Variants in PRKG1 observed in about 807,000 individuals in gnomAD.
The protein encoded by PRKG1 is cGMP-dependent protein kinase 1.
Under a neutral mutation model 88.1 loss-of-function variants are expected in PRKG1, and 35 were observed. The ratio of observed to expected loss-of-function variants is 0.40; its 90% CI spans 0.30 to 0.53. PRKG1 has a LOEUF of 0.53. Ranked by LOEUF, PRKG1 falls within the 20% of genes least tolerant of loss-of-function variation. The pLI is 0.59. For missense variants in PRKG1, 540 were observed against 839.8 expected (o/e 0.64, Z 4.41); for synonymous variants, 303 against 292.5 (o/e 1.04, Z -0.37).
At chr10:52,106,765 A>G (rs1436853203) in intron 7 of PRKG1, among the ~76,000 whole-genome samples, 1 of 149,964 alleles carries the variant, frequency 6.7e-6, no homozygotes, top group African/African-American at 2.4e-5. Flanking sequence ...ATAAATAAAA[A>G]TGTTGAGTTC....
chr10:51,648,091 C>A (rs1432048716), intron 3 of PRKG1, among the ~76,000 whole-genome samples: 1 of 151,836 alleles, frequency 6.6e-6, no homozygotes, highest in Non-Finnish European at 1.5e-5. Flanking sequence ...AAATCTACCA[C>A]AATGATTTTT....
intron 5 of PRKG1, among the ~76,000 whole-genome samples, chr10:51,947,638 A>C (rs1843081105): frequency 2.0e-5 from 3 of 152,116 alleles, no homozygotes; most frequent in Non-Finnish European, 2.9e-5. Context: ...TAAATTCATA[A>C]AGTGTGAAGG....
chr10:51,885,665 G>T (rs1841549053), intron 4 of PRKG1, among the ~76,000 whole-genome samples: 1 of 152,036 alleles, frequency 6.6e-6, no homozygotes, highest in African/African-American at 2.4e-5. Context: ...TCACACCTCC[G>T]TGTCTTTATT....
At chr10:51,673,286 G>T (rs1213491452) in intron 3 of PRKG1, among the ~76,000 whole-genome samples, 1 of 152,104 alleles carries the variant, frequency 6.6e-6, no homozygotes, top group Non-Finnish European at 1.5e-5. Flanking sequence ...AGAAAATAAA[G>T]AATAATTATA....
intron 17 of PRKG1, among the ~76,000 whole-genome samples, chr10:52,292,069 G>A (rs929295588): frequency 3.6e-4 from 55 of 152,308 alleles, no homozygotes; most frequent in Non-Finnish European, 3.1e-4. Flanking sequence ...CTTTTGAGAA[G>A]TGTCGGTTCA....
chr10:51,723,066 T>C (rs1316040569), intron 3 of PRKG1, among the ~76,000 whole-genome samples: 1 of 152,208 alleles, frequency 6.6e-6, no homozygotes. Context: ...TTGAGAAAAT[T>C]ATGTTAACCT....
At chr10:51,427,001 G>A (rs1171120402) in intron 2 of PRKG1, among the ~76,000 whole-genome samples, 1 of 152,152 alleles carries the variant, frequency 6.6e-6, no homozygotes, top group African/African-American at 2.4e-5. Flanking sequence ...GTTGGTGATT[G>A]TTTTTAAAGC....
At chr10:51,219,879 G>T (rs1235895021) in intron 2 of PRKG1, among the ~76,000 whole-genome samples, 2 of 152,050 alleles carry the variant, frequency 1.3e-5, no homozygotes, top group African/African-American at 2.4e-5. Context: ...AGAATTTCTA[G>T]GAATGACCCC....
chr10:51,614,786 CAAAGCTG>C (rs1201255380), intron 3 of PRKG1, among the ~76,000 whole-genome samples: 1 of 151,898 alleles, frequency 6.6e-6, no homozygotes, highest in African/African-American at 2.4e-5. Context: ...GCATTTCTGC[CAAAGCTG>C]ACCTAGTGGT....
At chr10:51,617,806 A>G (rs886491757) in intron 3 of PRKG1, among the ~76,000 whole-genome samples, 8 of 152,200 alleles carry the variant, frequency 5.3e-5, no homozygotes, top group African/African-American at 1.4e-4. Context: ...TGAAACAATG[A>G]AAGTCCCTGT....
chr10:51,276,726 C>T (rs1840130477), intron 2 of PRKG1, among the ~76,000 whole-genome samples: 1 of 152,192 alleles, frequency 6.6e-6, no homozygotes, highest in Non-Finnish European at 1.5e-5. Context: ...TGATGATGAG[C>T]ATTTTTTCAT....
At chr10:51,456,229 G>A (rs658133) in intron 2 of PRKG1, among the ~76,000 whole-genome samples, 53,217 of 151,618 alleles carry the variant, frequency 0.35, 10,327 homozygotes, top group African/African-American at 0.51. Context: ...CAGTATGGGG[G>A]AAACCGCCCC....
chr10:51,660,094 CAAAG>C (rs1436220206), intron 3 of PRKG1, among the ~76,000 whole-genome samples: 2 of 118,668 alleles, frequency 1.7e-5, no homozygotes, highest in South Asian at 2.7e-4. Flanking sequence ...AAAAAAGAGA[CAAAG>C]AAATTCTCAA....
intron 3 of PRKG1, among the ~76,000 whole-genome samples, chr10:51,503,561 C>G (rs1326258): frequency 0.24 from 35,850 of 152,138 alleles, 4,789 homozygotes; most frequent in Non-Finnish European, 0.31. Flanking sequence ...TGGCCTAAGC[C>G]AGGTCTGTAT....
chr10:51,645,390 A>G (rs193091209), intron 3 of PRKG1, among the ~76,000 whole-genome samples: 12 of 152,298 alleles, frequency 7.9e-5, no homozygotes, highest in Non-Finnish European at 1.5e-4. Flanking sequence ...TCTATGTCTC[A>G]TATTTGAACT....
intron 3 of PRKG1, among the ~76,000 whole-genome samples, chr10:51,504,244 G>A (rs1841125775): frequency 6.6e-6 from 1 of 151,734 alleles, no homozygotes; most frequent in Non-Finnish European, 1.5e-5. Context: ...CCAAGCATAT[G>A]GAAAGAATTC....
At chr10:51,376,972 T>C (rs987376270) in intron 2 of PRKG1, among the ~76,000 whole-genome samples, 3 of 152,132 alleles carry the variant, frequency 2.0e-5, no homozygotes, top group African/African-American at 7.2e-5. Context: ...CCACTGCGCC[T>C]GGCCAGTCCA....
At chr10:51,471,901 G>A (rs1840058408) in intron 3 of PRKG1, among the ~76,000 whole-genome samples, 1 of 151,838 alleles carries the variant, frequency 6.6e-6, no homozygotes, top group Non-Finnish European at 1.5e-5. Flanking sequence ...TATGGTGGGT[G>A]TGGTAGATAT....
chr10:51,792,112 A>G (rs1838883613), intron 3 of PRKG1, among the ~76,000 whole-genome samples: 1 of 152,070 alleles, frequency 6.6e-6, no homozygotes, highest in South Asian at 2.1e-4. Flanking sequence ...ACTGCTTGGA[A>G]TAGCTTATCA....
Sources: gnomAD v4.1 joint callset for allele counts (sites outside exome capture counted in the v4.1 genomes callset) on GRCh38, gnomAD v4.1.1 for gene constraint, MANE v1.5 for transcripts, NCBI Gene and HGNC (gene_info 2026-07-23, HGNC 2026-07-21) for gene names.